The following RAG1 variants were observed in gnomAD, a reference collection of about 807,000 sequenced individuals.
RAG1 encodes recombination activating 1, also known as V(D)J recombination-activating protein 1.
Under a neutral mutation model 62.7 loss-of-function variants are expected in RAG1, and 35 were observed. That is an observed-to-expected ratio of 0.56 (90% CI 0.43 to 0.74). RAG1 has a LOEUF of 0.74. Ranked by LOEUF, RAG1 falls within the 30% of genes least tolerant of loss-of-function variation. The pLI, the probability that RAG1 is intolerant of heterozygous loss-of-function variation, is 0.00. For synonymous variants in RAG1, 461 were observed against 470.3 expected, an observed-to-expected ratio of 0.98 and a Z score of 0.26; for missense variants, 1,169 against 1,278.6, an observed-to-expected ratio of 0.91 and a Z score of 1.31.
At chr11:36,531,532 G>A (rs1026244745) in intron 2 of RAG1, among the ~76,000 whole-genome samples, 1 of 151,682 alleles carries the variant, frequency 6.6e-6, no homozygotes, top group East Asian at 1.9e-4. Flanking sequence ...GTATATATAT[G>A]ATTTATATAA....
At chr11:36,517,693 C>A (rs1420963637) in intron 1 of RAG1, among the ~76,000 whole-genome samples, 1 of 152,216 alleles carries the variant, frequency 6.6e-6, no homozygotes, top group African/African-American at 2.4e-5. Flanking sequence ...AAATAACTTT[C>A]AATTTCAAAT....
At chr11:36,558,264 A>G (rs1477608269) in intron 3 of RAG1, among the ~76,000 whole-genome samples, 1 of 152,322 alleles carries the variant, frequency 6.6e-6, no homozygotes, top group East Asian at 1.9e-4. Context: ...TGGATAAAAC[A>G]TTCTATAAGT....
intron 3 of RAG1, among the ~76,000 whole-genome samples, chr11:36,548,809 G>C (rs533246835): frequency 6.3e-4 from 96 of 152,024 alleles, no homozygotes; most frequent in African/African-American, 2.2e-3. Flanking sequence ...GAGCCCATAT[G>C]GTCAAGACAA....
At chr11:36,569,264 C>T (rs755765457) in intron 1 of RAG1, among the ~76,000 whole-genome samples, 3 of 152,236 alleles carry the variant, frequency 2.0e-5, no homozygotes, top group Non-Finnish European at 2.9e-5. Flanking sequence ...GAGGGAGGCA[C>T]GCCTGTAGCT....
At chr11:36,513,653 A>G (rs1189304232) in intron 1 of RAG1, among the ~76,000 whole-genome samples, 1 of 152,208 alleles carries the variant, frequency 6.6e-6, no homozygotes, top group East Asian at 1.9e-4. Context: ...TTATAAAGTA[A>G]AAGAGGTTTA....
intron 1 of RAG1, 36 bp downstream of exon 1, chr11:36,568,158 A>G (rs1850686051): frequency 6.6e-6 from 1 of 152,112 alleles, no homozygotes; most frequent in Non-Finnish European, 1.5e-5. Flanking sequence ...GAGCCAAAAT[A>G]TTTATTACAT....
intron 3 of RAG1, among the ~76,000 whole-genome samples, chr11:36,548,893 C>A (rs1309306988): frequency 1.3e-5 from 2 of 152,120 alleles, no homozygotes; most frequent in African/African-American, 2.4e-5. Context: ...CTACAGGAAC[C>A]AAAACAGCAT....
At chr11:36,567,370 G>A (rs1297698200), upstream of RAG1, 4 of 152,192 alleles carry the variant, frequency 2.6e-5, no homozygotes, top group Non-Finnish European at 5.9e-5. Context: ...CAGGTGATGA[G>A]ATTGAAGTTC....
At position 36,575,349 on chromosome 11, in the gene RAG1, G is replaced by A. The variant is rs1272409838; in HGVS notation, c.2045G>A (p.Arg682Lys). The change falls in exon 2 of 2, where the codon AGG becomes AAG. Residue 682 changes from arginine (R) to lysine (K), a missense_variant. This residue lies in a region of RAG1 where 800 missense variants were observed against 943.3 expected (regional missense o/e 0.85). Coordinates refer to ENST00000299440, the MANE Select transcript of RAG1 (RefSeq NM_000448.3). This position sits in a 1 kb window ranked among gnomAD's most constrained non-coding sequence, Gnocchi z 4.1. Reference protein sequence around the residue: ...TAILSPLIAEREAMKSSELML... With the variant: ...TAILSPLIAEKEAMKSSELML... ...ATCCTGAGTCCTCTCATTGCTGAGA[G>A]GGAGGCCATGAAGAGCAGTGAATTA... 3.1e-6 allele frequency: 5 copies of A among 1,614,036 alleles called. No individual in the cohort carries two copies. The highest frequency in any genetic ancestry group is 3.3e-5 in the Admixed American group (2 of 60,008).
At chr11:36,569,822 T>C (rs1850712110) in intron 1 of RAG1, among the ~76,000 whole-genome samples, 1 of 152,240 alleles carries the variant, frequency 6.6e-6, no homozygotes, top group Admixed American at 6.5e-5. Flanking sequence ...TGTGTATCCT[T>C]TCAGAATTCC....
At chr11:36,572,308 CA>C (rs1387045961) in intron 1 of RAG1, among the ~76,000 whole-genome samples, 1 of 152,214 alleles carries the variant, frequency 6.6e-6, no homozygotes, top group African/African-American at 2.4e-5. Context: ...GTACACTTCA[CA>C]TGGCATTGTT....
At chr11:36,518,054 G>T (rs1860021185) in intron 1 of RAG1, among the ~76,000 whole-genome samples, 2 of 134,392 alleles carry the variant, frequency 1.5e-5, no homozygotes, top group Non-Finnish European at 3.0e-5. Context: ...TGTTCTCATT[G>T]TTCAGTTCCC....
At chr11:36,540,807 T>C (rs928041798), downstream of RAG1, among the ~76,000 whole-genome samples, 3 of 152,224 alleles carry the variant, frequency 2.0e-5, no homozygotes, top group African/African-American at 7.2e-5. Flanking sequence ...CTGTGGTTCT[T>C]TCTTCCCAAA....
chr11:36,531,005 C>CA (rs1860245000), intron 2 of RAG1, among the ~76,000 whole-genome samples: 1 of 151,916 alleles, frequency 6.6e-6, no homozygotes, highest in African/African-American at 2.4e-5. Context: ...GATGCATACA[C>CA]ATTTGTTTGG....
At position 36,578,966 on chromosome 11, in the gene RAG1, G is replaced by T. The variant is rs4151047; in HGVS notation, c.*2530G>T. On this transcript the variant is annotated 3_prime_UTR_variant, in exon 2 of 2. Transcript: ENST00000299440. ...CTGAATCTACAAGTTTTCCTGCCAA[G>T]CCACTCAGGTGCATTGCAGGGACCA... is the stretch of plus-strand genomic sequence containing the variant. The T allele has an allele frequency of 0.02, 3,374 of 167,172 alleles. 125 individuals carry two copies. Among genetic ancestry groups the T allele is most frequent in the African/African-American group, 0.076 (3,173 of 41,538 alleles). The allele number at this position is 167,172 out of a possible 1,614,324, so 10.4% of individuals were successfully genotyped here. A position where few individuals can be genotyped will look rare whatever the true frequency, so the allele number is the denominator to read the frequency against.
Position 36,514,411 on chromosome 11 carries a change from G to C in RAG1, n.330+3373G>C, listed in dbSNP as rs1859967321. On this transcript the variant is annotated intron_variant and non_coding_transcript_variant, in intron 1 of 2. Coordinates refer to the RAG1 transcript ENST00000529126. ...CAGTCCCCAAACATTTTGGAACCAG[G>C]GAGTGGATTTTTGGAAGACAGTTTT... Among the ~76,000 whole-genome samples the C allele has an allele frequency of 2.0e-5, 3 of 152,204 alleles. 1 individual carries two copies. The South Asian group carries it at 6.2e-4, about 32-fold the overall frequency.
In RAG1 at chr11:36,577,285, A is replaced by G; in HGVS notation, c.*849A>G. ...CAAGAAATTTAGAGTTTCCAAATTTAGAGCTTCTGCATACAGTCTTAAAGC... is the reference window on the plus strand; with the variant it reads ...CAAGAAATTTAGAGTTTCCAAATTTGGAGCTTCTGCATACAGTCTTAAAGC... On this transcript the variant is annotated 3_prime_UTR_variant, in exon 2 of 2. Coordinates refer to ENST00000299440, the MANE Select transcript of RAG1 (RefSeq NM_000448.3). 1 of 167,208 alleles carries G rather than the reference A, an allele frequency of 6.0e-6. No individual in the cohort carries two copies. The allele number at this position is 167,208 out of a possible 1,614,324, so 10.4% of individuals were successfully genotyped here. A position where few individuals can be genotyped will look rare whatever the true frequency, so the allele number is the denominator to read the frequency against.
In RAG1 at chr11:36,573,503, G is replaced by C. The variant is rs1284430302; in HGVS notation, c.199G>C (p.Asp67His). The C allele has an allele frequency of 2.5e-6, 4 of 1,614,208 alleles. No individual in the cohort carries two copies. In the South Asian group the frequency reaches 4.4e-5, roughly 18 times the overall value. The stretch of plus-strand genomic sequence containing the variant: ...TCTGGAGCAATCTCCAGCAGTCCTG[G>C]ACAAGGCTGATGGTCAGAAGCCAGT... ...PSLEQSPAVL[D>H]KADGQKPVPT... The change falls in exon 2 of 2, where the codon GAC (aspartate) becomes CAC (histidine). Residue 67 changes from aspartate (D) to histidine (H), a missense_variant. By Grantham distance (81) the Asp-to-His change is moderately conservative. Around this residue, in one of 2 missense-constraint regions of RAG1, gnomAD observed 369 missense variants for 335.3 expected, o/e 1.10. Transcript: ENST00000299440.
Position 36,547,384 on chromosome 11 carries a change from C to A in RAG1, c.-412+11350C>A, listed in dbSNP as rs1327710585. On this transcript the variant is annotated intron_variant and NMD_transcript_variant, in intron 3 of 9. Transcript: ENST00000534663. ...CAAAATGGATAGACTGCTAGCCAGA[C>A]TAATAAAGAAGGAAAGAGAGAAGAA... 2.0e-5 allele frequency among the ~76,000 whole-genome samples: 3 copies of A among 151,844 alleles called. No homozygotes were observed. The East Asian group carries it at 5.8e-4, about 29-fold the overall frequency.
Sources: gnomAD v4.1 joint callset for allele counts (sites outside exome capture counted in the v4.1 genomes callset) on GRCh38, gnomAD v4.1.1 for gene constraint, gnomAD v4.1.1 regional missense constraint, Gnocchi (gnomAD v3.1) non-coding constraint, MANE v1.5 for transcripts, NCBI Gene and HGNC (gene_info 2026-07-23, HGNC 2026-07-21) for gene names.